TP63: variants seen among roughly 807,000 people sequenced by gnomAD.
The protein encoded by TP63 is tumor protein p63.
A neutral mutation model predicts 82.8 loss-of-function variants in TP63; 17 were observed. The observed-to-expected ratio is 0.21, with a 90% CI of 0.14 to 0.31. TP63 has a LOEUF of 0.31. Ranked by LOEUF, TP63 falls within the 10% of genes least tolerant of loss-of-function variation. The pLI, the probability that TP63 is intolerant of heterozygous loss-of-function variation, is 1.00. For missense variants in TP63, 648 were observed against 895.3 expected (o/e 0.72, Z 3.52); for synonymous variants, 330 against 321.7 (o/e 1.03, Z -0.28).
intron 1 of TP63, among the ~76,000 whole-genome samples, chr3:189,636,234 G>A (rs1214771600): frequency 1.3e-5 from 2 of 152,168 alleles, no homozygotes; most frequent in African/African-American, 4.8e-5. Context: ...AGCGGTGAGT[G>A]CATTTAAATA....
intron 3 of TP63, among the ~76,000 whole-genome samples, chr3:189,772,147 T>A (rs931509070): frequency 6.6e-6 from 1 of 152,208 alleles, no homozygotes; most frequent in African/African-American, 2.4e-5. Context: ...TTTATGTATA[T>A]CTTCCCAAGC....
intron 1 of TP63, among the ~76,000 whole-genome samples, chr3:189,691,802 G>T (rs1716955086): frequency 6.6e-6 from 1 of 151,898 alleles, no homozygotes; most frequent in Admixed American, 6.6e-5. Context: ...TGTCCTTTGG[G>T]TTTCTGTTGT....
chr3:189,866,471 C>T (rs1360103816), intron 5 of TP63, among the ~76,000 whole-genome samples: 1 of 152,176 alleles, frequency 6.6e-6, no homozygotes, highest in Non-Finnish European at 1.5e-5. Flanking sequence ...TGTAGATGTG[C>T]ATTCCAGCCC....
chr3:189,681,199 T>C (rs575329699), intron 1 of TP63, among the ~76,000 whole-genome samples: 1 of 146,576 alleles, frequency 6.8e-6, no homozygotes, highest in Non-Finnish European at 1.5e-5. Context: ...AATAGTCACT[T>C]ATGTATCTTT....
intron 3 of TP63, among the ~76,000 whole-genome samples, chr3:189,798,538 G>A (rs945590280): frequency 1.3e-5 from 2 of 151,994 alleles, no homozygotes; most frequent in African/African-American, 4.8e-5. Context: ...TTGCTTTGCA[G>A]GCCCTTTTTA....
chr3:189,800,175 A>G (rs1444370284), intron 3 of TP63, among the ~76,000 whole-genome samples: 1 of 152,148 alleles, frequency 6.6e-6, no homozygotes, highest in East Asian at 1.9e-4. Flanking sequence ...AAGGAATTGG[A>G]AAACAGCTGG....
At chr3:189,779,368 G>T (rs1484131943) in intron 3 of TP63, among the ~76,000 whole-genome samples, 1 of 152,094 alleles carries the variant, frequency 6.6e-6, no homozygotes, top group Non-Finnish European at 1.5e-5. Context: ...ACACCTACTT[G>T]GTTGCACCAC....
intron 1 of TP63, among the ~76,000 whole-genome samples, chr3:189,640,316 C>T (rs889451100): frequency 1.7e-4 from 26 of 152,064 alleles, no homozygotes; most frequent in African/African-American, 2.9e-4. Context: ...TCAAAACTGA[C>T]GGGTTTTCTT....
chr3:189,636,984 C>G (rs1197662326), intron 1 of TP63, among the ~76,000 whole-genome samples: 1 of 151,988 alleles, frequency 6.6e-6, no homozygotes, highest in African/African-American at 2.4e-5. Context: ...TAATTATTTT[C>G]CAACCTGCTT....
chr3:189,666,294 A>G (rs1714385588), intron 1 of TP63, among the ~76,000 whole-genome samples: 1 of 152,118 alleles, frequency 6.6e-6, no homozygotes, highest in African/African-American at 2.4e-5. Context: ...ACCCTTTAAC[A>G]GAGAAACTCC....
intron 1 of TP63, among the ~76,000 whole-genome samples, chr3:189,682,036 C>T (rs903596351): frequency 3.9e-5 from 6 of 152,116 alleles, no homozygotes; most frequent in African/African-American, 1.4e-4. Flanking sequence ...AGTCCGAGAC[C>T]AGCCTGGCCA....
chr3:189,624,768 A>G, the TP63 span, among the ~76,000 whole-genome samples: 1 of 152,204 alleles, frequency 6.6e-6, no homozygotes, highest in South Asian at 2.1e-4. Flanking sequence ...AGGGAAAAGC[A>G]TTCACATACT....
intron 1 of TP63, among the ~76,000 whole-genome samples, chr3:189,684,168 T>C (rs1208016863): frequency 6.6e-6 from 1 of 152,232 alleles, no homozygotes; most frequent in Admixed American, 6.5e-5. Flanking sequence ...CATTCTTTAT[T>C]CTTTAATTCA....
intron 11 of TP63, among the ~76,000 whole-genome samples, chr3:189,887,637 T>C (rs1720591957): frequency 6.6e-6 from 1 of 152,150 alleles, no homozygotes; most frequent in Non-Finnish European, 1.5e-5. Context: ...ATGCAAAAGA[T>C]TGTATAACAC....
At chr3:189,793,879 T>C (rs1465854589) in intron 3 of TP63, among the ~76,000 whole-genome samples, 1 of 152,112 alleles carries the variant, frequency 6.6e-6, no homozygotes, top group Non-Finnish European at 1.5e-5. Flanking sequence ...AGTTGACTAA[T>C]ATAGCATTAT....
intron 4 of TP63, among the ~76,000 whole-genome samples, chr3:189,860,430 C>T (rs1482092561): frequency 6.6e-6 from 1 of 152,040 alleles, no homozygotes; most frequent in African/African-American, 2.4e-5. Context: ...CTTGTTTATA[C>T]ACATAGACCA....
At chr3:189,631,222 A>T (rs1351434467), upstream of TP63, 2 of 985,254 alleles carry the variant, frequency 2.0e-6, no homozygotes, top group Non-Finnish European at 2.4e-6. Context: ...TACGTCAAGG[A>T]CTCTGAAGCC....
At chr3:189,662,234 G>C (rs1713947953) in intron 1 of TP63, among the ~76,000 whole-genome samples, 1 of 151,958 alleles carries the variant, frequency 6.6e-6, no homozygotes, top group African/African-American at 2.4e-5. Flanking sequence ...TCCTGCTTTT[G>C]CTGCATCCCA....
chr3:189,767,811 A>G (rs1723060192), intron 3 of TP63, among the ~76,000 whole-genome samples: 1 of 152,212 alleles, frequency 6.6e-6, no homozygotes, highest in Non-Finnish European at 1.5e-5. Context: ...ACTGTTGTAC[A>G]GAGACAAAAG....
Sources: allele counts gnomAD v4.1 joint callset (sites outside exome capture counted in the v4.1 genomes callset), GRCh38; gene constraint gnomAD v4.1.1; transcripts MANE v1.5; gene names NCBI Gene and HGNC (gene_info 2026-07-23, HGNC 2026-07-21).